Variants in PSRC1 observed in about 807,000 individuals in gnomAD.
PSRC1 encodes proline and serine rich coiled-coil 1.
A neutral mutation model predicts 31.9 loss-of-function variants in PSRC1; 30 were observed. The observed-to-expected ratio is 0.94, with a 90% CI of 0.70 to 1.28. PSRC1 has a LOEUF of 1.28. Ranked by LOEUF, PSRC1 falls within the 50% of genes most tolerant of loss-of-function variation. PSRC1 has a pLI of 0.00. For synonymous variants in PSRC1, 191 were observed against 192.1 expected, an observed-to-expected ratio of 0.99 and a Z score of 0.05; for missense variants, 481 against 472.8, an observed-to-expected ratio of 1.02 and a Z score of -0.16.
At chr1:109,280,339 A>C in intron 6 of PSRC1, 57 bp downstream of exon 7, 3 of 1,493,812 alleles carry the variant, frequency 2.0e-6, no homozygotes, top group Non-Finnish European at 2.8e-6. Context: ...AACAGCTTGG[A>C]ATCCCAGATG....
In PSRC1 at chr1:109,282,503, T is replaced by C; in HGVS notation, c.77+15A>G. 1 of 1,611,344 alleles carries C rather than the reference T, an allele frequency of 6.2e-7. No homozygotes were observed. Among genetic ancestry groups the C allele is most frequent in the Non-Finnish European group, 8.5e-7 (1 of 1,177,572 alleles). ...TACTGTTAGAGGAAAATAAGTGGGA[T>C]AAAGAGGCTGGTACCTGTCAGATGG... On this transcript the variant is annotated intron_variant, in intron 3 of 6. Transcript: ENST00000409138.
At chr1:109,280,519 T>G in intron 5 of PSRC1, 30 bp from the exon 7 acceptor site, 1 of 1,569,538 alleles carries the variant, frequency 6.4e-7, no homozygotes, top group Non-Finnish European at 8.7e-7. Flanking sequence ...AGAAATGAGT[T>G]AGCAGCAAGT....
chr1:109,280,525 C>T, intron 5 of PSRC1, 36 bp from the exon 7 acceptor site: 1 of 1,541,422 alleles, frequency 6.5e-7, no homozygotes, highest in Non-Finnish European at 8.9e-7. Flanking sequence ...GAGTTAGCAG[C>T]AAGTTTAACT....
chr1:109,282,350 TC>T, intron 3 of PSRC1, 167 bp downstream of exon 3: 1 of 642,796 alleles, frequency 1.6e-6, no homozygotes. Context: ...CTCCCTTCTC[TC>T]CCCGCTACCA....
At chr1:109,282,981 T>C in intron 1 of PSRC1, 82 bp downstream of exon 1, 1 of 571,524 alleles carries the variant, frequency 1.7e-6, no homozygotes, top group Non-Finnish European at 3.1e-6. Flanking sequence ...GCACGCCCCA[T>C]CTTCCTCCCC....
At position 109,281,688 on chromosome 1, in the gene PSRC1, A is replaced by G. The variant is rs780518943; in HGVS notation, c.450T>C (p.Ser150=). ...CCCTGACTGACCCCTTCCTATCATTACTCCGGAGTCGAGGCGTCAGGCTGC... is the reference window on the plus strand; with the variant it reads ...CCCTGACTGACCCCTTCCTATCATTGCTCCGGAGTCGAGGCGTCAGGCTGC... The change falls in exon 4 of 7, where the codon AGT becomes AGC. Residue 150 remains serine, a synonymous_variant. Coordinates refer to ENST00000409138, the Ensembl canonical transcript of PSRC1. The G allele has an allele frequency of 3.7e-6, 6 of 1,613,482 alleles. No homozygotes were observed. The African/African-American group carries it at 8.0e-5, about 22-fold the overall frequency.
chr1:109,281,778 C>T (rs2101379937), exon 4 of PSRC1: 2 of 1,614,122 alleles, frequency 1.2e-6, no homozygotes, highest in East Asian at 4.5e-5. Context: ...CAGGACTATC[C>T]TTCAGCACAA....
exon 6 of PSRC1, chr1:109,280,489 A>G: frequency 6.2e-7 from 1 of 1,610,802 alleles, no homozygotes; most frequent in Non-Finnish European, 8.5e-7. Flanking sequence ...GGAAACAGGA[A>G]CTTCATGGGG....
exon 4 of PSRC1, chr1:109,281,844 G>C: frequency 1.2e-6 from 2 of 1,613,858 alleles, no homozygotes; most frequent in Non-Finnish European, 1.7e-6. Flanking sequence ...CCTCGCCTGC[G>C]CTCTCCCGAT....
At chr1:109,280,242 G>C (rs1470355660) in intron 6 of PSRC1, 86 bp from the exon 8 acceptor site, 38 of 1,539,058 alleles carry the variant, frequency 2.5e-5, no homozygotes, top group Non-Finnish European at 3.3e-5. Context: ...GCTCCTCAGG[G>C]TGGGAAGAAA....
exon 7 of PSRC1, chr1:109,279,931 C>G: frequency 1.6e-6 from 1 of 641,960 alleles, no homozygotes; most frequent in Non-Finnish European, 2.8e-6. Context: ...CCTCTTTTCC[C>G]CTAATCTTCT....
rs201288741 is a variant in PSRC1 at position 109,280,977 on chromosome 1, C to T, written c.794G>A (p.Arg265Gln). Reference sequence around the variant, plus strand: ...AGATTTAGCAGCTGCTCCCTGCGGCCGGGGCAGGCGTTGAGAGTTGCTGGT... The same window carrying T: ...AGATTTAGCAGCTGCTCCCTGCGGCTGGGGCAGGCGTTGAGAGTTGCTGGT... Residue 265 changes from arginine (R) to glutamine (Q), a missense_variant, in exon 5 of 7, where the codon CGG becomes CAG. Physicochemically the swap from Arg to Gln is conservative, Grantham distance 43. Transcript: ENST00000409138. 6.7e-5 allele frequency: 102 copies of T among 1,522,128 alleles called. No homozygotes were observed. In the East Asian group the frequency reaches 8.8e-4, roughly 13 times the overall value. The allele number at this position is 1,522,128 out of a possible 1,614,324, so 94.3% of individuals were successfully genotyped here.
At chr1:109,281,886 C>A (rs752332377) in exon 4 of PSRC1, 19 of 1,612,328 alleles carry the variant, frequency 1.2e-5, no homozygotes, top group Non-Finnish European at 1.5e-5. Flanking sequence ...GCTGAGCGGC[C>A]AGCCGGTTGG....
chr1:109,281,171 C>T (rs1009537118), exon 5 of PSRC1: 2 of 1,613,646 alleles, frequency 1.2e-6, no homozygotes, highest in South Asian at 2.2e-5. Flanking sequence ...CGGCTCTCCC[C>T]CGGACTGGGG....
chr1:109,281,833 C>G (rs1657183970), exon 4 of PSRC1: 2 of 1,613,818 alleles, frequency 1.2e-6, no homozygotes, highest in Non-Finnish European at 1.7e-6. Context: ...AGGCCCCAGG[C>G]CCTCGCCTGC....
rs528132469 is a variant in PSRC1, at chr1:109,280,931, G to C, written c.840C>G (p.Pro280=). ...GGCTGGCAGGCCTGGGGATGGCCGA[G>C]GGAATGGGCAGTTGACTGGAAGATT... The change falls in exon 5 of 7, where the codon CCC becomes CCG. Residue 280 remains proline (P), a synonymous_variant. Coordinates refer to ENST00000409138, the Ensembl canonical transcript of PSRC1. 9.9e-6 allele frequency: 16 copies of C among 1,614,074 alleles called. No homozygotes were observed. In the East Asian group the frequency reaches 3.3e-4, roughly 34 times the overall value.
In PSRC1 at chr1:109,280,510, G is replaced by T. The variant is rs202227749; in HGVS notation, c.995-21C>A. The T allele has an allele frequency of 2.0e-4, 315 of 1,592,964 alleles. 1 individual carries two copies. In the South Asian group the frequency reaches 2.1e-3, roughly 11 times the overall value. ...AGGAACTTCATGGGGGTTAACAAAA[G>T]AAATGAGTTAGCAGCAAGTTTAACT... On this transcript the variant is annotated intron_variant, in intron 5 of 6. Coordinates refer to ENST00000409138, the Ensembl canonical transcript of PSRC1.
rs1657229992 is a variant in PSRC1 at position 109,282,003 on chromosome 1, G to A, written c.135C>T (p.Gly45=). 4.0e-6 allele frequency: 6 copies of A among 1,511,728 alleles called. No homozygotes were observed. The South Asian group carries it at 4.0e-5, about 10-fold the overall frequency. 93.6% of individuals were successfully genotyped at this position (1,511,728 alleles called of 1,614,324 possible). Residue 45 remains glycine (G), a synonymous_variant, in exon 4 of 7, where the codon GGC becomes GGT. Transcript: ENST00000409138. ...CATTTGGGTCACTTCGGTGGGAGAG[G>A]CCCCGTCGAAGTGGTTTCTCTGGAG...
chr1:109,282,392 C>T (rs980630905), intron 3 of PSRC1, 126 bp downstream of exon 3: 134 of 830,722 alleles, frequency 1.6e-4, no homozygotes, highest in Non-Finnish European at 1.1e-4. Context: ...GTCAGCCAGC[C>T]GCCCAGCAGC....
Sources: gnomAD v4.1 joint callset for allele counts on GRCh38, gnomAD v4.1.1 for gene constraint, MANE v1.5 for transcripts, NCBI Gene and HGNC (gene_info 2026-07-23, HGNC 2026-07-21) for gene names.